Variants in SAFB2 observed in about 807,000 individuals in gnomAD.
SAFB2 encodes scaffold attachment factor B2.
A neutral mutation model predicts 100.6 loss-of-function variants in SAFB2; 32 were observed. The observed-to-expected ratio is 0.32, with a 90% CI of 0.24 to 0.43. The LOEUF (loss-of-function observed/expected upper bound fraction) is 0.43, where lower values mean the gene tolerates loss of function less well. Among genes scored for constraint, SAFB2 ranks in the 20% least tolerant of loss-of-function variants. The pLI is 1.00. For synonymous variants in SAFB2, 500 were observed against 439.4 expected (o/e 1.14, Z -1.72); for missense variants, 1,185 against 1,163.4 (o/e 1.02, Z -0.27).
At chr19:5,598,338 C>T (rs1020242921) in intron 13 of SAFB2, 6 of 162,314 alleles carry the variant, frequency 3.7e-5, no homozygotes, top group Admixed American at 1.8e-4. Flanking sequence ...GTGCACAACT[C>T]GAGAGGTACA....
intron 11 of SAFB2, among the ~76,000 whole-genome samples, chr19:5,600,591 A>G (rs1299150177): frequency 2.0e-5 from 3 of 152,188 alleles, no homozygotes; most frequent in South Asian, 2.1e-4. Flanking sequence ...GAACACTTCT[A>G]AAAAGTTTAA....
chr19:5,602,637 CA>C (rs1266868488), intron 11 of SAFB2, among the ~76,000 whole-genome samples: 2 of 152,098 alleles, frequency 1.3e-5, no homozygotes, highest in African/African-American at 2.4e-5. Context: ...TCCTCTCCTA[CA>C]TAGAGCAAGT....
In SAFB2 at chr19:5,594,075, G is replaced by C; in HGVS notation, c.2023C>G (p.Gln675Glu). The change falls in exon 15 of 21, where the codon CAG becomes GAG. Residue 675 changes from glutamine to glutamate, a missense_variant. Coordinates refer to ENST00000252542, the MANE Select transcript of SAFB2 (RefSeq NM_014649.3). ...RERLQLECQRQRLERERMERE... is the reference protein window; with the variant it reads ...RERLQLECQRERLERERMERE... Reference sequence around the variant, plus strand: ...TCCATGCGCTCCCGCTCCAGCCGCTGGCGCTGGCACTCGAGCTGCAGGCGT... The same window carrying C: ...TCCATGCGCTCCCGCTCCAGCCGCTCGCGCTGGCACTCGAGCTGCAGGCGT... The C allele has an allele frequency of 6.3e-7, 1 of 1,595,386 alleles. No homozygotes were observed. The highest frequency in any genetic ancestry group is 8.5e-7 in the Non-Finnish European group (1 of 1,175,862).
chr19:5,608,813 G>A (rs1055580336), intron 9 of SAFB2, among the ~76,000 whole-genome samples: 1 of 152,106 alleles, frequency 6.6e-6, no homozygotes, highest in African/African-American at 2.4e-5. Context: ...ATTTTGGGAG[G>A]CCAAGCAGGC....
chr19:5,610,166 C>T (rs2052877823), intron 8 of SAFB2, 71 bp from the exon 9 acceptor site: 1 of 1,288,768 alleles, frequency 7.8e-7, no homozygotes, highest in Non-Finnish European at 1.1e-6. Flanking sequence ...CTTAAGACCG[C>T]AGCCCTCTTT....
rs1038906314 is a variant in SAFB2 at position 5,616,352 on chromosome 19, G to A, written c.340-17C>T. 1.1e-5 allele frequency: 18 copies of A among 1,613,956 alleles called. No individual in the cohort carries two copies. Among genetic ancestry groups the A allele is most frequent in the African/African-American group, 2.7e-5 (2 of 74,910 alleles). On this transcript the variant is annotated splice_polypyrimidine_tract_variant and intron_variant, in intron 3 of 20. Coordinates refer to ENST00000252542, the MANE Select transcript of SAFB2 (RefSeq NM_014649.3). ...CATGTCCTCCTGTAAAGAGGAAGAA[G>A]AATCGTTAACGACCACCTGGACCAG...
chr19:5,592,953 A>T lies in SAFB2; in HGVS notation c.2208-66T>A, dbSNP rs574869096. Reference sequence around the variant, plus strand: ...GAGAGAGGAGGAGGAAAAAAGGAGGAGGTGGAGGTGGGGAGGGGAGCTCTC... The same window carrying T: ...GAGAGAGGAGGAGGAAAAAAGGAGGTGGTGGAGGTGGGGAGGGGAGCTCTC... On this transcript the variant is annotated intron_variant, in intron 15 of 20. Coordinates refer to ENST00000252542, the MANE Select transcript of SAFB2 (RefSeq NM_014649.3). 39 of 1,521,408 alleles carry T rather than the reference A, an allele frequency of 2.6e-5. No homozygotes were observed. In the African/African-American group the frequency reaches 3.3e-4, roughly 13 times the overall value. The allele number at this position is 1,521,408 out of a possible 1,614,324, so 94.2% of individuals were successfully genotyped here. A position where few individuals can be genotyped will look rare whatever the true frequency, so the allele number is the denominator to read the frequency against.
chr19:5,589,424 C>T (rs890032830), intron 18 of SAFB2, among the ~76,000 whole-genome samples: 1 of 152,100 alleles, frequency 6.6e-6, no homozygotes, highest in South Asian at 2.1e-4. Context: ...CCTCTCAGCG[C>T]GGAGGGAGGG....
intron 6 of SAFB2, chr19:5,612,336 T>C: frequency 1.6e-6 from 1 of 606,230 alleles, no homozygotes; most frequent in Non-Finnish European, 2.9e-6. Context: ...TTGCACCAAA[T>C]GTATTTGACC....
At chr19:5,592,996 G>A (rs761414786) in intron 15 of SAFB2, 109 bp from the exon 16 acceptor site, 6 of 978,912 alleles carry the variant, frequency 6.1e-6, no homozygotes, top group Non-Finnish European at 6.2e-6. Context: ...ACCCAGTATC[G>A]TTTAAAATGT....
In SAFB2 at chr19:5,594,108, G is replaced by C; in HGVS notation, c.1990C>G (p.Gln664Glu). 3 of 1,601,350 alleles carry C rather than the reference G, an allele frequency of 1.9e-6. No homozygotes were observed. Among genetic ancestry groups the C allele is most frequent in the Non-Finnish European group, 2.5e-6 (3 of 1,178,304 alleles). ...FHERKEKARL[Q>E]RERLQLECQR... is the part of the protein sequence containing the mutation. ...CACTCGAGCTGCAGGCGTTCCCGCT[G>C]TAGCCGGGCCTTCTCCTTCCGCTCA... The change falls in exon 15 of 21, where the codon CAG becomes GAG. Residue 664 changes from glutamine (Q) to glutamate (E), a missense_variant. This residue lies in a region of SAFB2 where 740 missense variants were observed against 687.1 expected (regional missense o/e 1.08). Coordinates refer to ENST00000252542, the MANE Select transcript of SAFB2 (RefSeq NM_014649.3).
chr19:5,601,711 AAAATAAATAAATAAAT>A (rs10647558), intron 11 of SAFB2, among the ~76,000 whole-genome samples: 2 of 144,840 alleles, frequency 1.4e-5, no homozygotes, highest in East Asian at 4.1e-4. Flanking sequence ...ACTCCATCTC[AAAATAAATAAATAAAT>A]AAATAAATAA....
At chr19:5,616,576 A>T in intron 2 of SAFB2, 90 bp from the exon 3 acceptor site, 3 of 1,073,960 alleles carry the variant, frequency 2.8e-6, no homozygotes, top group Non-Finnish European at 4.3e-6. Context: ...TTAGAACAGA[A>T]CACATTACAA....
intron 17 of SAFB2, 60 bp from the exon 18 acceptor site, chr19:5,590,468 C>G: frequency 6.6e-7 from 1 of 1,521,356 alleles, no homozygotes; most frequent in Admixed American, 2.0e-5. Context: ...GGCCCACCTT[C>G]CGGAAGGCCT....
At chr19:5,592,663 C>T in intron 16 of SAFB2, 84 bp downstream of exon 16, 1 of 1,507,546 alleles carries the variant, frequency 6.6e-7, no homozygotes, top group Non-Finnish European at 9.2e-7. Context: ...CACAGGAACC[C>T]CTGCACTGGG....
rs2052697777 is a variant in SAFB2 at position 5,602,988 on chromosome 19, G to A, written c.1559+1595C>T. Among the ~76,000 whole-genome samples, 3 of 150,190 alleles carry A rather than the reference G, an allele frequency of 2.0e-5. No homozygotes were observed. The Admixed American group carries it at 2.0e-4, about 10-fold the overall frequency. ...CAGGGGCCTACTGATTTCAATCTGG[G>A]GCCAGGTGCAGTGGCTCACACCTAT... On this transcript the variant is annotated intron_variant, in intron 11 of 20. Transcript: ENST00000252542.
intron 4 of SAFB2, 142 bp downstream of exon 4, chr19:5,615,990 G>A (rs2053019654): frequency 1.4e-6 from 1 of 703,714 alleles, no homozygotes; most frequent in Non-Finnish European, 2.4e-6. Flanking sequence ...GCGTTTAAAT[G>A]GACATGGTTT....
In SAFB2 at chr19:5,609,479, T is replaced by A. The variant is rs1487840040; in HGVS notation, c.1296+516A>T. 2.0e-5 allele frequency among the ~76,000 whole-genome samples: 3 copies of A among 152,230 alleles called. No homozygotes were observed. The East Asian group carries it at 5.8e-4, about 30-fold the overall frequency. ...ACACCACGGCTGGCTGATTTTTGTA[T>A]TTTTAGCAGAGACAGGGTTTCGCCA... is the stretch of plus-strand genomic sequence containing the variant. On this transcript the variant is annotated intron_variant, in intron 9 of 20. Coordinates refer to ENST00000252542, the MANE Select transcript of SAFB2 (RefSeq NM_014649.3).
intron 14 of SAFB2, 160 bp from the exon 15 acceptor site, chr19:5,594,338 TAAC>T: frequency 2.4e-6 from 1 of 412,650 alleles, no homozygotes; most frequent in Non-Finnish European, 3.3e-6. Context: ...TTACCTTACT[TAAC>T]AAAGCTACCT....
Sources: gnomAD v4.1 joint callset for allele counts (sites outside exome capture counted in the v4.1 genomes callset) on GRCh38, gnomAD v4.1.1 for gene constraint, gnomAD v4.1.1 regional missense constraint, MANE v1.5 for transcripts, NCBI Gene and HGNC (gene_info 2026-07-23, HGNC 2026-07-21) for gene names.